ACBD6: variants seen among roughly 807,000 people sequenced by gnomAD.
ACBD6 encodes acyl-CoA-binding domain-containing protein 6.
Under a neutral mutation model 37.2 loss-of-function variants are expected in ACBD6, and 28 were observed. The ratio of observed to expected loss-of-function variants is 0.75; its 90% confidence interval spans 0.56 to 1.03. ACBD6 has a LOEUF of 1.03. ACBD6 is among the 50% of genes least tolerant of loss of function. The pLI is 0.00. For synonymous variants in ACBD6, 113 were observed against 126.8 expected, an observed-to-expected ratio of 0.89 and a Z score of 0.73; for missense variants, 340 against 337.4, an observed-to-expected ratio of 1.01 and a Z score of -0.06.
chr1:180,435,836 C>A, intron 3 of ACBD6: 1 of 1,117,796 alleles, frequency 8.9e-7, no homozygotes, highest in Non-Finnish European at 1.4e-6. Context: ...AGGATACACT[C>A]AGACCCTAAA....
rs76587731 is a variant in ACBD6 at position 180,425,275 on chromosome 1, T to A, written c.467+4905A>T. 4.6e-4 allele frequency among the ~76,000 whole-genome samples: 70 copies of A among 152,316 alleles called. 2 individuals are homozygous for A. In the East Asian group the frequency reaches 0.013, roughly 28 times the overall value. The stretch of plus-strand genomic sequence containing the variant: ...GCCAGCTGAGGTTTTACAGGCTGAA[T>A]AAATCCATAACTCAAGTTCATTCTG... On this transcript the variant is annotated intron_variant, in intron 4 of 7. Coordinates refer to ENST00000367595, the MANE Select transcript of ACBD6 (RefSeq NM_032360.4).
intron 6 of ACBD6, among the ~76,000 whole-genome samples, chr1:180,327,620 T>C (rs1651304395): frequency 6.6e-6 from 1 of 152,226 alleles, no homozygotes; most frequent in Non-Finnish European, 1.5e-5. Context: ...CAGTTTATTA[T>C]TTAAACCAAT....
At chr1:180,472,254 A>G (rs538407037) in intron 3 of ACBD6, among the ~76,000 whole-genome samples, 13 of 152,310 alleles carry the variant, frequency 8.5e-5, no homozygotes, top group African/African-American at 3.1e-4. Context: ...TCACTATTCA[A>G]GAGTTGATGT....
At chr1:180,483,098 A>G (rs1367327294) in intron 3 of ACBD6, among the ~76,000 whole-genome samples, 1 of 152,028 alleles carries the variant, frequency 6.6e-6, no homozygotes, top group Non-Finnish European at 1.5e-5. Flanking sequence ...ACTCTGCCTC[A>G]TTTTCTATTT....
intron 3 of ACBD6, among the ~76,000 whole-genome samples, chr1:180,447,478 G>A (rs1302557522): frequency 6.6e-6 from 1 of 152,068 alleles, no homozygotes; most frequent in Non-Finnish European, 1.5e-5. Flanking sequence ...TACTCTTGTC[G>A]ATTTCTTGGC....
chr1:180,365,628 C>A (rs1193380786), intron 6 of ACBD6, among the ~76,000 whole-genome samples: 1 of 152,040 alleles, frequency 6.6e-6, no homozygotes, highest in East Asian at 1.9e-4. Flanking sequence ...AGATTATATT[C>A]CTATTACTGT....
At chr1:180,395,415 C>T (rs1323616045) in intron 6 of ACBD6, among the ~76,000 whole-genome samples, 3 of 152,002 alleles carry the variant, frequency 2.0e-5, no homozygotes, top group African/African-American at 7.3e-5. Context: ...ATTTGGTAGT[C>T]AAATTTAATG....
chr1:180,313,375 G>C (rs79481359), intron 7 of ACBD6, among the ~76,000 whole-genome samples: 1,733 of 152,228 alleles, frequency 0.011, 39 homozygotes, highest in African/African-American at 0.039. Flanking sequence ...AGTCCAATAG[G>C]TTAAGACTCC....
chr1:180,332,534 G>A (rs1193753443), intron 6 of ACBD6, among the ~76,000 whole-genome samples: 2 of 151,692 alleles, frequency 1.3e-5, no homozygotes, highest in Admixed American at 6.6e-5. Flanking sequence ...CCCTTATTGT[G>A]AACTGCACAT....
chr1:180,408,808 ATAGAAG>A (rs1212828905), intron 5 of ACBD6, among the ~76,000 whole-genome samples: 1 of 152,164 alleles, frequency 6.6e-6, no homozygotes, highest in African/African-American at 2.4e-5. Context: ...AAATCAAGAA[ATAGAAG>A]TATATTATTT....
intron 6 of ACBD6, among the ~76,000 whole-genome samples, chr1:180,331,665 A>G (rs1651485910): frequency 6.6e-6 from 1 of 152,216 alleles, no homozygotes; most frequent in Non-Finnish European, 1.5e-5. Context: ...TAATACTAAA[A>G]CAATATAACA....
chr1:180,353,660 T>C (rs1039950645), intron 6 of ACBD6, among the ~76,000 whole-genome samples: 5 of 151,408 alleles, frequency 3.3e-5, no homozygotes, highest in African/African-American at 1.2e-4. Context: ...AGTGTTCCCA[T>C]AATCTATATT....
chr1:180,474,624 C>T (rs1239397642), intron 3 of ACBD6, among the ~76,000 whole-genome samples: 1 of 152,110 alleles, frequency 6.6e-6, no homozygotes, highest in East Asian at 1.9e-4. Context: ...GAATTATTTT[C>T]TCTACAAGAC....
intron 3 of ACBD6, among the ~76,000 whole-genome samples, chr1:180,438,122 G>A (rs1307168826): frequency 1.3e-5 from 2 of 152,176 alleles, no homozygotes; most frequent in East Asian, 3.9e-4. Context: ...ATTGTGAACT[G>A]CACATGTGAG....
At chr1:180,337,676 A>T (rs1651798020) in intron 6 of ACBD6, among the ~76,000 whole-genome samples, 2 of 152,250 alleles carry the variant, frequency 1.3e-5, no homozygotes, top group African/African-American at 4.8e-5. Context: ...GGAAAAGGAA[A>T]TAAAGGGTAT....
chr1:180,429,774 T>C (rs947656139), intron 4 of ACBD6, among the ~76,000 whole-genome samples: 2 of 152,154 alleles, frequency 1.3e-5, no homozygotes, highest in South Asian at 2.1e-4. Flanking sequence ...TTTAAAATAA[T>C]AGTATTTTGA....
intron 6 of ACBD6, among the ~76,000 whole-genome samples, chr1:180,369,236 C>G (rs1193659004): frequency 6.6e-6 from 1 of 152,196 alleles, no homozygotes. Flanking sequence ...AAGGTCCTCA[C>G]AGACGTGAGT....
chr1:180,448,829 A>T (rs898061308), intron 3 of ACBD6, among the ~76,000 whole-genome samples: 1 of 151,760 alleles, frequency 6.6e-6, no homozygotes, highest in African/African-American at 2.4e-5. Flanking sequence ...GTTTTCTTTC[A>T]TTTTTTTTAA....
intron 6 of ACBD6, among the ~76,000 whole-genome samples, chr1:180,374,831 T>C (rs1653377723): frequency 6.6e-6 from 1 of 152,004 alleles, no homozygotes; most frequent in Non-Finnish European, 1.5e-5. Context: ...TCTAAAAACC[T>C]CAAACATATG....
Sources: allele counts gnomAD v4.1 joint callset (sites outside exome capture counted in the v4.1 genomes callset), GRCh38; gene constraint gnomAD v4.1.1; transcripts MANE v1.5; gene names NCBI Gene and HGNC (gene_info 2026-07-23, HGNC 2026-07-21).